The following ZNF75A variants were observed in gnomAD, a reference collection of about 807,000 sequenced individuals.
ZNF75A encodes the protein zinc finger protein 75A.
ZNF75A carries 36 observed loss-of-function variants against 46.3 expected under a neutral mutation model. That is an observed-to-expected ratio of 0.78 (90% confidence interval 0.60 to 1.03). ZNF75A has a LOEUF of 1.03. Among genes scored for constraint, ZNF75A ranks in the 50% least tolerant of loss-of-function variants. The pLI, the probability that ZNF75A is intolerant of heterozygous loss-of-function variation, is 0.00. For missense variants in ZNF75A, 595 were observed against 551.3 expected (o/e 1.08, Z -0.79); for synonymous variants, 234 against 189.9 (o/e 1.23, Z -1.91).
chr16:3,320,407 C>T (rs1161198276), downstream of ZNF75A, among the ~76,000 whole-genome samples: 10 of 152,216 alleles, frequency 6.6e-5, no homozygotes, highest in African/African-American at 2.4e-4. Context: ...TTTGCTGGAG[C>T]TCTGGACCTT....
chr16:3,307,966 T>G (rs569573782), intron 1 of ZNF75A: 2 of 152,194 alleles, frequency 1.3e-5, no homozygotes, highest in African/African-American at 4.8e-5. Context: ...CCTAATCTTA[T>G]TTTCTCCTAT....
downstream of ZNF75A, among the ~76,000 whole-genome samples, chr16:3,321,387 C>G (rs1245713159): frequency 6.6e-6 from 1 of 152,216 alleles, no homozygotes; most frequent in African/African-American, 2.4e-5. Flanking sequence ...GTCTCCTGAC[C>G]TGTCCCCTGC....
chr16:3,310,707 A>G, intron 2 of ZNF75A: 1 of 985,612 alleles, frequency 1.0e-6, no homozygotes, highest in Non-Finnish European at 1.2e-6. Context: ...GGAAACAAAG[A>G]TTTGGAAAAA....
chr16:3,308,121 T>TC (rs1298697996), intron 1 of ZNF75A, 192 bp from the exon 2 acceptor site: 1 of 152,256 alleles, frequency 6.6e-6, no homozygotes, highest in Admixed American at 6.5e-5. Flanking sequence ...AAGACAGTTG[T>TC]CCACTGACAT....
At position 3,318,119 on chromosome 16, in the gene ZNF75A, A is replaced by G. The variant is rs538517841; in HGVS notation, c.*250A>G. On this transcript the variant is annotated 3_prime_UTR_variant, in exon 7 of 7. Coordinates refer to ENST00000669516, the MANE Select transcript of ZNF75A (RefSeq NM_001302109.2). ...ATTTTTGAACACATCCAATAGAAAC[A>G]TTGGCAGCATGGTCTTCCAAAACAA... is the stretch of plus-strand genomic sequence containing the variant. The G allele has an allele frequency of 8.2e-7, 1 of 1,225,218 alleles. No homozygotes were observed. The highest frequency in any genetic ancestry group is 4.0e-5 in the Admixed American group (1 of 25,032). The allele number at this position is 1,225,218 out of a possible 1,614,324, so 75.9% of individuals were successfully genotyped here. A position where few individuals can be genotyped will look rare whatever the true frequency, so the allele number is the denominator to read the frequency against.
chr16:3,320,329 C>T (rs1336059517), downstream of ZNF75A, among the ~76,000 whole-genome samples: 1 of 152,238 alleles, frequency 6.6e-6, no homozygotes, highest in Non-Finnish European at 1.5e-5. Context: ...CAGGCGTGAG[C>T]CACCGCACCT....
Position 3,317,006 on chromosome 16 carries a change from C to T in ZNF75A, c.918C>T (p.Ala306=), listed in dbSNP as rs976592880. The part of the protein sequence containing the change: ...VQVSPEFKDS[A]GKSPTGLKLK... The stretch of plus-strand genomic sequence containing the variant: ...TATCCCCGGAGTTTAAGGATAGTGC[C>T]GGAAAATCTCCTACAGGTAAATATA... Residue 306 remains alanine, a synonymous_variant, in exon 6 of 7, where the codon GCC becomes GCT. Transcript: ENST00000669516. The T allele has an allele frequency of 2.4e-5, 38 of 1,613,464 alleles. No individual in the cohort carries two copies. Among genetic ancestry groups the T allele is most frequent in the Non-Finnish European group, 2.8e-5 (33 of 1,179,744 alleles).
chr16:3,321,781 T>C (rs2029954555), downstream of ZNF75A, among the ~76,000 whole-genome samples: 1 of 152,182 alleles, frequency 6.6e-6, no homozygotes, highest in Non-Finnish European at 1.5e-5. Context: ...AGATATCTTT[T>C]AACTGGAGGG....
In ZNF75A at chr16:3,311,054, A is replaced by G. The variant is rs887270189; in HGVS notation, c.409-699A>G. On this transcript the variant is annotated intron_variant, in intron 2 of 6. Transcript: ENST00000669516. The stretch of plus-strand genomic sequence containing the variant: ...GACAGGAAAACTTTTAAATTCATTT[A>G]TTTGAATTTTAGAGAAAACTAGAAG... The G allele has an allele frequency of 4.6e-6, 3 of 656,658 alleles. No individual in the cohort carries two copies. In the African/African-American group the frequency reaches 5.9e-5, roughly 13 times the overall value. The allele number at this position is 656,658 out of a possible 1,614,324, so 40.7% of individuals were successfully genotyped here.
At chr16:3,309,726 C>G (rs908861718) in intron 2 of ZNF75A, among the ~76,000 whole-genome samples, 1 of 147,178 alleles carries the variant, frequency 6.8e-6, no homozygotes, top group Non-Finnish European at 1.5e-5. Flanking sequence ...ATTGCACTCC[C>G]TTGGGTGACA....
chr16:3,314,359 C>T (rs113890263), intron 5 of ZNF75A, among the ~76,000 whole-genome samples: 17 of 152,346 alleles, frequency 1.1e-4, no homozygotes, highest in African/African-American at 3.8e-4. Context: ...ACACCAAAGA[C>T]TGGACAGTGG....
chr16:3,310,546 G>C, intron 2 of ZNF75A: 1 of 427,554 alleles, frequency 2.3e-6, no homozygotes. Context: ...GATCACCTGA[G>C]CCTGGGGAGG....
chr16:3,308,393 G>A lies in ZNF75A; in HGVS notation c.-36G>A, dbSNP rs1960448072. The stretch of plus-strand genomic sequence containing the variant: ...ATTTGTTAAACGTGGTACCAATTGG[G>A]TGTCTTAACACAGGAGCAGAACTTC... On this transcript the variant is annotated 5_prime_UTR_variant, in exon 2 of 7. In the 5' UTR this introduces an upstream ATG that the reference lacks. Coordinates refer to ENST00000669516, the MANE Select transcript of ZNF75A (RefSeq NM_001302109.2). 12 of 984,928 alleles carry A rather than the reference G, an allele frequency of 1.2e-5. No homozygotes were observed. Among genetic ancestry groups the A allele is most frequent in the African/African-American group, 1.7e-5 (1 of 57,192 alleles). The allele number at this position is 984,928 out of a possible 1,614,324, so 61.0% of individuals were successfully genotyped here.
chr16:3,320,534 G>A (rs1961489364), downstream of ZNF75A, among the ~76,000 whole-genome samples: 1 of 152,190 alleles, frequency 6.6e-6, no homozygotes, highest in Non-Finnish European at 1.5e-5. Flanking sequence ...GACTGTAGAT[G>A]ATAGGGAAGA....
Position 3,318,062 on chromosome 16 carries a change from A to G in ZNF75A, c.*193A>G. The G allele has an allele frequency of 7.2e-7, 1 of 1,381,752 alleles. No homozygotes were observed. The allele number at this position is 1,381,752 out of a possible 1,614,324, so 85.6% of individuals were successfully genotyped here. Reference sequence around the variant, plus strand: ...TAGTCTTCTGTGGTCACAGAAGTAAACATTGTTGGCTTTGTATTGATCTCT... The same window carrying G: ...TAGTCTTCTGTGGTCACAGAAGTAAGCATTGTTGGCTTTGTATTGATCTCT... On this transcript the variant is annotated 3_prime_UTR_variant, in exon 7 of 7. Transcript: ENST00000669516.
intron 5 of ZNF75A, chr16:3,316,341 A>G (rs920206682): frequency 1.3e-5 from 2 of 152,248 alleles, no homozygotes; most frequent in Non-Finnish European, 2.9e-5. Flanking sequence ...AATTAGAGAA[A>G]CTTCACCAAG....
rs775424316 is a variant in ZNF75A at position 3,313,193 on chromosome 16, C to T, written c.823+18C>T. On this transcript the variant is annotated intron_variant, in intron 5 of 6. Transcript: ENST00000669516. ...CTCTCTAGGTAAAGATTTTCCCTTC[C>T]CTTTATGTAGTTGAGTACTCTATTC... The T allele has an allele frequency of 2.0e-5, 33 of 1,611,536 alleles. No individual in the cohort carries two copies. The highest frequency in any genetic ancestry group is 2.8e-5 in the Non-Finnish European group (33 of 1,178,896).
downstream of ZNF75A, among the ~76,000 whole-genome samples, chr16:3,320,034 A>G (rs1360151157): frequency 6.6e-6 from 1 of 151,518 alleles, no homozygotes; most frequent in East Asian, 1.9e-4. Context: ...TTTCTGTAGC[A>G]TAACCTGCCC....
At position 3,310,239 on chromosome 16, in the gene ZNF75A, C is replaced by G. The variant is rs570510790; in HGVS notation, c.408+1403C>G. Among the ~76,000 whole-genome samples, 6 of 152,062 alleles carry G rather than the reference C, an allele frequency of 3.9e-5. No individual in the cohort carries two copies. The East Asian group carries it at 1.2e-3, about 29-fold the overall frequency. ...TGAAACCCTGTCTCTACTAAAAATACATAAACTAGCTGAGCATGGTGGCGT... is the reference window on the plus strand; with the variant it reads ...TGAAACCCTGTCTCTACTAAAAATAGATAAACTAGCTGAGCATGGTGGCGT... On this transcript the variant is annotated intron_variant, in intron 2 of 6. Coordinates refer to ENST00000669516, the MANE Select transcript of ZNF75A (RefSeq NM_001302109.2).
Sources: allele counts gnomAD v4.1 joint callset (sites outside exome capture counted in the v4.1 genomes callset), GRCh38; gene constraint gnomAD v4.1.1; transcripts MANE v1.5; gene names NCBI Gene and HGNC (gene_info 2026-07-23, HGNC 2026-07-21).